LAMA2: variants seen among roughly 807,000 people sequenced by gnomAD.
The protein encoded by LAMA2 is laminin subunit alpha 2, also known as laminin subunit alpha-2.
Under a neutral mutation model 364.8 loss-of-function variants are expected in LAMA2, and 269 were observed. The ratio of observed to expected loss-of-function variants is 0.74; its 90% CI spans 0.67 to 0.82. The LOEUF (loss-of-function observed/expected upper bound fraction) is 0.82, where lower values mean the gene tolerates loss of function less well. Ranked by LOEUF, LAMA2 falls within the 40% of genes least tolerant of loss-of-function variation. LAMA2 has a pLI of 0.00. For synonymous variants in LAMA2, 1,379 were observed against 1,370.6 expected (o/e 1.01, Z -0.14); for missense variants, 3,807 against 3,873.2 (o/e 0.98, Z 0.45).
intron 1 of LAMA2, among the ~76,000 whole-genome samples, chr6:128,970,739 G>T (rs775391370): frequency 1.3e-5 from 2 of 152,144 alleles, no homozygotes; most frequent in Non-Finnish European, 2.9e-5. Context: ...TTTATGATTT[G>T]TGATAGAATT....
At chr6:129,157,374 T>C in intron 8 of LAMA2, 1 of 876,212 alleles carries the variant, frequency 1.1e-6, no homozygotes, top group Non-Finnish European at 1.8e-6. Context: ...ATAAGAGTAC[T>C]GAAAGGTTTA....
chr6:129,499,549 G>A (rs936586279), intron 58 of LAMA2, among the ~76,000 whole-genome samples: 2 of 152,138 alleles, frequency 1.3e-5, no homozygotes, highest in Admixed American at 6.6e-5. Flanking sequence ...GCAAAGCACA[G>A]GGCAGTTTCT....
Position 129,486,490 on chromosome 6 carries a change from T to A in LAMA2, c.7766T>A (p.Leu2589His). ...CTGTTGCAGGCCTATTATGCAATAC[T>A]CCTCAACAGGGGCCGTCTGGAAGTG... Reference protein sequence around the residue: ...RQTGQAYYAILLNRGRLEVHL... With the variant: ...RQTGQAYYAIHLNRGRLEVHL... The change falls in exon 56 of 65, where the codon CTC becomes CAC. Residue 2589 changes from leucine to histidine, a missense_variant. By Grantham distance (99) the Leu-to-His change is moderately conservative. Transcript: ENST00000421865. 6.2e-7 allele frequency: 1 copy of A among 1,613,790 alleles called. No homozygotes were observed. The highest frequency in any genetic ancestry group is 8.5e-7 in the Non-Finnish European group (1 of 1,179,794).
At chr6:129,346,684 T>C (rs773062902) in intron 30 of LAMA2, among the ~76,000 whole-genome samples, 1 of 152,180 alleles carries the variant, frequency 6.6e-6, no homozygotes, top group Non-Finnish European at 1.5e-5. Flanking sequence ...CTCTTCGTAC[T>C]GGGAATATAT....
At chr6:129,169,899 A>G (rs1351407189) in intron 9 of LAMA2, among the ~76,000 whole-genome samples, 1 of 147,406 alleles carries the variant, frequency 6.8e-6, no homozygotes, top group Non-Finnish European at 1.5e-5. Flanking sequence ...GGGAGAGTGT[A>G]TGTGTCGAGG....
intron 51 of LAMA2, among the ~76,000 whole-genome samples, chr6:129,467,541 T>A (rs1783606679): frequency 6.6e-6 from 1 of 151,800 alleles, no homozygotes; most frequent in Admixed American, 6.6e-5. Flanking sequence ...ATAAAGACAT[T>A]CGGAACACTA....
chr6:129,125,413 A>C (rs1777055265), intron 4 of LAMA2, among the ~76,000 whole-genome samples: 2 of 152,216 alleles, frequency 1.3e-5, no homozygotes, highest in Non-Finnish European at 2.9e-5. Context: ...AAGAAGACCT[A>C]GAAAAGTAAC....
intron 1 of LAMA2, among the ~76,000 whole-genome samples, chr6:128,976,909 T>C (rs1033793343): frequency 3.4e-4 from 52 of 152,318 alleles, no homozygotes; most frequent in African/African-American, 1.2e-3. Context: ...TTACTGTTCC[T>C]GTCTTCTAAA....
In LAMA2 at chr6:129,328,416, GTCC is replaced by G. The variant is rs375861034; in HGVS notation, c.4311+7_4311+9del. On this transcript the variant is annotated splice_donor_5th_base_variant and intron_variant, in intron 29 of 64. Coordinates refer to ENST00000421865, the MANE Select transcript of LAMA2 (RefSeq NM_000426.4). The stretch of plus-strand genomic sequence containing the variant: ...CCCTGAAACATCGATATGCCAGGTA[GTCC>G]TCTGAGCCTTCCTTGAACAAGGTCC... The G allele has an allele frequency of 6.8e-6, 11 of 1,614,028 alleles. No homozygotes were observed. In the African/African-American group the frequency reaches 1.3e-4, roughly 20 times the overall value.
intron 61 of LAMA2, 39 bp downstream of exon 61, chr6:129,505,394 G>A: frequency 1.3e-6 from 2 of 1,522,388 alleles, no homozygotes; most frequent in Non-Finnish European, 1.8e-6. Flanking sequence ...TAAATATATG[G>A]CTGATTCATT....
chr6:129,505,341 C>T lies in LAMA2; in HGVS notation c.8689C>T (p.Arg2897Ter), dbSNP rs750328754. The change falls in exon 61 of 65, where the codon CGA becomes TGA. Residue 2897 changes from arginine (R) to a stop codon, truncating the protein, a stop_gained. Coordinates refer to ENST00000421865, the MANE Select transcript of LAMA2 (RefSeq NM_000426.4). LOFTEE classifies it high-confidence loss of function. ...VGGLPINYTT[R>*]RIGPVTYSID... ...TGGGTTACCCATCAACTACACTACC[C>T]GAAGAATTGGTCCAGTAAATATCTG... The T allele has an allele frequency of 2.5e-6, 4 of 1,612,960 alleles. No individual in the cohort carries two copies. The highest frequency in any genetic ancestry group is 1.1e-5 in the South Asian group (1 of 91,044).
At chr6:128,965,024 C>G (rs1356193901) in intron 1 of LAMA2, among the ~76,000 whole-genome samples, 1 of 151,776 alleles carries the variant, frequency 6.6e-6, no homozygotes, top group Admixed American at 6.6e-5. Context: ...AAGAGGAGTC[C>G]CCTCATGAAC....
intron 1 of LAMA2, among the ~76,000 whole-genome samples, chr6:128,951,443 C>G (rs778572788): frequency 1.3e-5 from 2 of 152,060 alleles, no homozygotes; most frequent in Non-Finnish European, 2.9e-5. Context: ...TGGGGACCCC[C>G]TTTAAGAGAA....
At chr6:129,367,155 G>C (rs1034650733) in intron 33 of LAMA2, among the ~76,000 whole-genome samples, 3 of 152,180 alleles carry the variant, frequency 2.0e-5, no homozygotes, top group African/African-American at 4.8e-5. Flanking sequence ...CTAAATTGTG[G>C]TTAAAGCTTT....
intron 32 of LAMA2, 112 bp from the exon 33 acceptor site, chr6:129,366,107 A>G (rs868635317): frequency 8.7e-7 from 1 of 1,147,434 alleles, no homozygotes; most frequent in Middle Eastern, 2.1e-4. Context: ...GAGTAGTTTC[A>G]TCTTCCATGG....
intron 35 of LAMA2, among the ~76,000 whole-genome samples, chr6:129,390,261 G>T (rs1212139806): frequency 1.3e-5 from 2 of 151,998 alleles, no homozygotes; most frequent in Admixed American, 6.6e-5. Context: ...TAGGTTTGTG[G>T]CAGGGCCTGA....
intron 1 of LAMA2, among the ~76,000 whole-genome samples, chr6:129,022,747 A>G (rs887648317): frequency 3.9e-5 from 6 of 152,328 alleles, no homozygotes; most frequent in Non-Finnish European, 2.9e-5. Context: ...CAAACCGCCG[A>G]CACAACTTTC....
At chr6:129,269,142 CA>C (rs1173283565) in intron 16 of LAMA2, among the ~76,000 whole-genome samples, 1 of 151,998 alleles carries the variant, frequency 6.6e-6, no homozygotes, top group Admixed American at 6.6e-5. Flanking sequence ...GGCACCAGAA[CA>C]AAATCTAAAC....
intron 22 of LAMA2, among the ~76,000 whole-genome samples, chr6:129,304,721 A>T (rs1207469239): frequency 6.6e-6 from 1 of 152,212 alleles, no homozygotes; most frequent in Non-Finnish European, 1.5e-5. Context: ...GGTTTAATAT[A>T]ATCTTTAATT....
Sources: gnomAD v4.1 joint callset for allele counts (sites outside exome capture counted in the v4.1 genomes callset) on GRCh38, gnomAD v4.1.1 for gene constraint, MANE v1.5 for transcripts, NCBI Gene and HGNC (gene_info 2026-07-23, HGNC 2026-07-21) for gene names.